LPP: variants seen among roughly 807,000 people sequenced by gnomAD.
The protein encoded by LPP is LIM domain containing preferred translocation partner in lipoma.
In LPP, 38 loss-of-function variants were observed where a neutral mutation model predicts 60.4. The ratio of observed to expected loss-of-function variants is 0.63; its 90% CI spans 0.49 to 0.83. LPP has a LOEUF of 0.83. LPP is among the 40% of genes least tolerant of loss of function. The probability of loss-of-function intolerance (pLI) is 0.00; values close to 1 mark genes in which losing one functional copy is unlikely to be tolerated. For synonymous variants in LPP, 328 were observed against 290.8 expected (o/e 1.13, Z -1.30); for missense variants, 902 against 783.6 (o/e 1.15, Z -1.80).
intron 1 of LPP, among the ~76,000 whole-genome samples, chr3:188,157,399 A>G (rs1349920061): frequency 6.6e-6 from 1 of 152,076 alleles, no homozygotes; most frequent in Non-Finnish European, 1.5e-5. Context: ...GAATGGGGCA[A>G]GAGTTAGATC....
At chr3:188,289,388 T>C (rs1745182601) in intron 2 of LPP, among the ~76,000 whole-genome samples, 1 of 152,228 alleles carries the variant, frequency 6.6e-6, no homozygotes, top group Non-Finnish European at 1.5e-5. Flanking sequence ...TTGCTTATGT[T>C]ACATCATTGA....
At chr3:188,344,543 G>A (rs1763839866) in intron 3 of LPP, among the ~76,000 whole-genome samples, 1 of 152,112 alleles carries the variant, frequency 6.6e-6, no homozygotes, top group Non-Finnish European at 1.5e-5. Context: ...GTTGATCATG[G>A]CATTACTTCC....
rs1301730080 is a variant in LPP, at chr3:188,647,303, GTAAAGA to G, written c.1113+37460_1113+37465del. 2.6e-5 allele frequency among the ~76,000 whole-genome samples: 4 copies of G among 152,282 alleles called. No homozygotes were observed. In the East Asian group the frequency reaches 7.7e-4, roughly 29 times the overall value. On this transcript the variant is annotated intron_variant, in intron 7 of 11. Transcript: ENST00000617246. ...GTATCCGGGGGCCTGGCTTGATCCG[GTAAAGA>G]GCGTCTGCTGCGGTGCCTGATGGAA...
Position 188,880,281 on chromosome 3 carries a change from T to C in LPP, c.*5802T>C. 1 of 168,674 alleles carries C rather than the reference T, an allele frequency of 5.9e-6. No homozygotes were observed. Among genetic ancestry groups the C allele is most frequent in the Non-Finnish European group, 1.3e-5 (1 of 77,356 alleles). 10.4% of individuals were successfully genotyped at this position (168,674 alleles called of 1,614,324 possible). ...CTCCTGACCTCGTGATCCACCCGCC[T>C]CGGCCTCCCAAAGTGCTGGGATTAC... On this transcript the variant is annotated 3_prime_UTR_variant, in exon 12 of 12. Coordinates refer to ENST00000617246, the MANE Select transcript of LPP (RefSeq NM_001375462.1).
chr3:188,184,993 A>T (rs902124635), intron 1 of LPP, among the ~76,000 whole-genome samples: 3 of 152,100 alleles, frequency 2.0e-5, no homozygotes, highest in African/African-American at 7.2e-5. Flanking sequence ...TACAGTGTGA[A>T]ATTTTGGAAA....
intron 3 of LPP, among the ~76,000 whole-genome samples, chr3:188,380,030 G>C (rs1776437019): frequency 6.6e-6 from 1 of 152,186 alleles, no homozygotes; most frequent in South Asian, 2.1e-4. Context: ...GATATGACTA[G>C]AGATGTGTAT....
At position 188,609,218 on chromosome 3, in the gene LPP, A is replaced by G. The variant is rs763526442; in HGVS notation, c.487A>G (p.Arg163Gly). ...PVSTPVTGHK[R>G]MVIPNQPPLT... ...TTCGACCCCAGTCACAGGACACAAG[A>G]GAATGGTCATCCCGAACCAACCCCC... The change falls in exon 7 of 12, where the codon AGA becomes GGA. Residue 163 changes from arginine to glycine, a missense_variant. Coordinates refer to ENST00000617246, the MANE Select transcript of LPP (RefSeq NM_001375462.1). The surrounding 1 kb of genome is among the most constrained non-coding windows in gnomAD (Gnocchi z 6.9). 3.7e-6 allele frequency: 6 copies of G among 1,613,978 alleles called. No individual in the cohort carries two copies. Among genetic ancestry groups the G allele is most frequent in the Middle Eastern group, 1.7e-4 (1 of 6,060 alleles).
chr3:188,496,522 T>C (rs1810275526), intron 5 of LPP, among the ~76,000 whole-genome samples: 1 of 152,184 alleles, frequency 6.6e-6, no homozygotes, highest in Non-Finnish European at 1.5e-5. Flanking sequence ...GGATTCTCCA[T>C]CTTGTATCAG....
chr3:188,871,911 A>G (rs537715300), intron 10 of LPP, among the ~76,000 whole-genome samples: 2 of 152,326 alleles, frequency 1.3e-5, no homozygotes, highest in African/African-American at 4.8e-5. Context: ...ATGCATATGC[A>G]TATTTATATG....
At chr3:188,441,638 T>G (rs1793961628) in intron 4 of LPP, among the ~76,000 whole-genome samples, 1 of 133,846 alleles carries the variant, frequency 7.5e-6, no homozygotes, top group Non-Finnish European at 1.6e-5. Context: ...TTTTTTTTTT[T>G]GAGATGGAGT....
chr3:188,675,198 T>C (rs1041700566), intron 7 of LPP, among the ~76,000 whole-genome samples: 1 of 152,222 alleles, frequency 6.6e-6, no homozygotes, highest in Non-Finnish European at 1.5e-5. Flanking sequence ...CTTGTGGTAC[T>C]GATTAGAGTC....
Position 188,392,350 on chromosome 3 carries a change from C to T in LPP, c.-9-13762C>T, listed in dbSNP as rs975475986. Among the ~76,000 whole-genome samples, 7 of 152,156 alleles carry T rather than the reference C, an allele frequency of 4.6e-5. No homozygotes were observed. In the East Asian group the frequency reaches 7.8e-4, roughly 17 times the overall value. On this transcript the variant is annotated intron_variant, in intron 3 of 11. Coordinates refer to ENST00000617246, the MANE Select transcript of LPP (RefSeq NM_001375462.1). Reference sequence around the variant, plus strand: ...TTGGAAAGTACTACATGGAGACATGCGATATTATAACATATCAGTGCTTAC... The same window carrying T: ...TTGGAAAGTACTACATGGAGACATGTGATATTATAACATATCAGTGCTTAC...
rs1256286420 is a variant in LPP, at chr3:188,882,295, T to TA, written c.*7817dup. 4.5e-6 allele frequency: 1 copy of TA among 224,442 alleles called. No homozygotes were observed. Among genetic ancestry groups the TA allele is most frequent in the East Asian group, 6.5e-5 (1 of 15,380 alleles). The allele number at this position is 224,442 out of a possible 1,614,324, so 13.9% of individuals were successfully genotyped here. ...AGGCACAACAGGGAAACATGGGCTA[T>TA]ACTCAGAGAAGACCCTCTGCATTGG... On this transcript the variant is annotated 3_prime_UTR_variant, in exon 12 of 12. Coordinates refer to ENST00000617246, the MANE Select transcript of LPP (RefSeq NM_001375462.1).
At position 188,299,125 on chromosome 3, in the gene LPP, C is replaced by T. The variant is rs529792857; in HGVS notation, c.-66-42538C>T. 2.0e-5 allele frequency among the ~76,000 whole-genome samples: 3 copies of T among 152,292 alleles called. No individual in the cohort carries two copies. In the South Asian group the frequency reaches 6.2e-4, roughly 32 times the overall value. On this transcript the variant is annotated intron_variant, in intron 2 of 11. Transcript: ENST00000617246. ...GAGCAGACAGACGGGTGAACTTGCT[C>T]ATGGGCTGAGCTAGAAGGGAGGCCA...
At chr3:188,440,387 C>CT (rs1239694001) in intron 4 of LPP, among the ~76,000 whole-genome samples, 5 of 152,168 alleles carry the variant, frequency 3.3e-5, no homozygotes, top group Non-Finnish European at 5.9e-5. Flanking sequence ...TTAGTAAGCA[C>CT]TTACTGAATG....
At chr3:188,369,293 G>GA (rs1173056850) in intron 3 of LPP, among the ~76,000 whole-genome samples, 3 of 145,560 alleles carry the variant, frequency 2.1e-5, no homozygotes, top group African/African-American at 7.5e-5. Flanking sequence ...TCACAGGAAA[G>GA]TTTTTTTTTT....
At position 188,621,251 on chromosome 3, in the gene LPP, T is replaced by C. The variant is rs116786094; in HGVS notation, c.1113+11407T>C. 7.4e-3 allele frequency among the ~76,000 whole-genome samples: 1,120 copies of C among 152,138 alleles called. 12 individuals carry two copies. Among genetic ancestry groups the C allele is most frequent in the African/African-American group, 0.025 (1,048 of 41,530 alleles). On this transcript the variant is annotated intron_variant, in intron 7 of 11. Transcript: ENST00000617246. ...ACAGGGGATACGTGTGTGGGATTACTACATGGGTAATTGGACCCAGGTGGT... is the reference window on the plus strand; with the variant it reads ...ACAGGGGATACGTGTGTGGGATTACCACATGGGTAATTGGACCCAGGTGGT...
intron 9 of LPP, among the ~76,000 whole-genome samples, chr3:188,846,175 A>G (rs1339201343): frequency 6.6e-6 from 1 of 152,220 alleles, no homozygotes; most frequent in African/African-American, 2.4e-5. Context: ...GCACGTATAC[A>G]AAACCAGAAC....
chr3:188,694,780 T>C (rs1862887025), intron 7 of LPP, among the ~76,000 whole-genome samples: 1 of 152,126 alleles, frequency 6.6e-6, no homozygotes, highest in African/African-American at 2.4e-5. Context: ...CAGAATTAGT[T>C]GGGGGTACTT....
Sources: gnomAD v4.1 joint callset for allele counts (sites outside exome capture counted in the v4.1 genomes callset) on GRCh38, gnomAD v4.1.1 for gene constraint, Gnocchi (gnomAD v3.1) non-coding constraint, MANE v1.5 for transcripts, NCBI Gene and HGNC (gene_info 2026-07-23, HGNC 2026-07-21) for gene names.